MRTFA: variants seen among roughly 807,000 people sequenced by gnomAD.
The protein encoded by MRTFA is myocardin-related transcription factor A.
In MRTFA, 20 loss-of-function variants were observed where a neutral mutation model predicts 83.5. The ratio of observed to expected loss-of-function variants is 0.24; its 90% CI spans 0.17 to 0.35. The LOEUF (loss-of-function observed/expected upper bound fraction) is 0.35. Ranked by LOEUF, MRTFA falls within the 10% of genes least tolerant of loss-of-function variation. The pLI is 1.00. For synonymous variants in MRTFA, 659 were observed against 541.2 expected (o/e 1.22, Z -3.02); for missense variants, 1,200 against 1,224.7 (o/e 0.98, Z 0.30).
At position 40,597,512 on chromosome 22, in the gene MRTFA, G is replaced by A. The variant is rs372231623; in HGVS notation, c.-83-2777C>T. On this transcript the variant is annotated intron_variant, in intron 1 of 14. Transcript: ENST00000355630. ...AAACGGTGCCACAGCTTTGTATGTAGAGTAGCTAAAGGTATTTACATTGGC... is the reference window on the plus strand; with the variant it reads ...AAACGGTGCCACAGCTTTGTATGTAAAGTAGCTAAAGGTATTTACATTGGC... Among the ~76,000 whole-genome samples the A allele has an allele frequency of 7.2e-4, 110 of 152,324 alleles. 3 individuals carry two copies. In the South Asian group the frequency reaches 0.011, roughly 15 times the overall value.
intron 2 of MRTFA, chr22:40,586,933 C>T: frequency 2.2e-6 from 1 of 444,484 alleles, no homozygotes; most frequent in Non-Finnish European, 4.6e-6. Flanking sequence ...GGTGCTGCTG[C>T]TGCTGCTGCC....
chr22:40,423,643 G>C lies in MRTFA; in HGVS notation c.820C>G (p.Leu274Val). Residue 274 changes from leucine (L) to valine (V), a missense_variant, in exon 9 of 15, where the codon CTT becomes GTT. This residue lies in a region of MRTFA where 1,107 missense variants were observed against 1,041.8 expected (regional missense o/e 1.06). Coordinates refer to ENST00000355630, the MANE Select transcript of MRTFA (RefSeq NM_020831.6). ...AGAGGAGGCTGCTCTGCCAGGAAAA[G>C]CATTTCTCTGGAATCCCGGCCCATC... is the stretch of plus-strand genomic sequence containing the variant. 1 of 1,589,892 alleles carries C rather than the reference G, an allele frequency of 6.3e-7. No homozygotes were observed. Among genetic ancestry groups the C allele is most frequent in the East Asian group, 2.3e-5 (1 of 43,370 alleles).
At chr22:40,499,913 CCTTTT>C (rs1254049053) in intron 3 of MRTFA, among the ~76,000 whole-genome samples, 1 of 127,532 alleles carries the variant, frequency 7.8e-6, no homozygotes, top group Non-Finnish European at 1.6e-5. Flanking sequence ...TTCAAGTAGA[CCTTTT>C]TTTTTTTTTT....
chr22:40,611,970 T>A (rs980218914), intron 1 of MRTFA, among the ~76,000 whole-genome samples: 1 of 152,210 alleles, frequency 6.6e-6, no homozygotes, highest in Non-Finnish European at 1.5e-5. Flanking sequence ...TCTAAAAAGT[T>A]ATGTACAGAG....
chr22:40,467,581 C>T (rs1049998860), intron 3 of MRTFA, among the ~76,000 whole-genome samples: 9 of 151,844 alleles, frequency 5.9e-5, no homozygotes, highest in African/African-American at 2.2e-4. Context: ...TGTTCACTGC[C>T]AAAGTTACCA....
intron 4 of MRTFA, among the ~76,000 whole-genome samples, chr22:40,446,097 AC>A (rs1349249118): frequency 6.6e-6 from 1 of 152,192 alleles, no homozygotes; most frequent in Non-Finnish European, 1.5e-5. Context: ...AGGCTGTATA[AC>A]CAGTGATGGT....
intron 9 of MRTFA, among the ~76,000 whole-genome samples, chr22:40,423,123 G>A (rs1242633670): frequency 6.6e-6 from 1 of 152,222 alleles, no homozygotes; most frequent in Non-Finnish European, 1.5e-5. Flanking sequence ...CCTCCTGCAG[G>A]CATTTCAGGC....
intron 2 of MRTFA, among the ~76,000 whole-genome samples, chr22:40,592,195 G>A (rs967525365): frequency 1.3e-5 from 2 of 151,342 alleles, no homozygotes; most frequent in African/African-American, 4.9e-5. Context: ...TTGGGAGGCC[G>A]GGGTAGGAGA....
chr22:40,456,780 T>C (rs1027620460), intron 4 of MRTFA, among the ~76,000 whole-genome samples: 3 of 152,196 alleles, frequency 2.0e-5, no homozygotes, highest in African/African-American at 7.2e-5. Context: ...GCTCAGCCTA[T>C]CATAAAATAA....
At chr22:40,603,850 T>C (rs918194710) in intron 1 of MRTFA, among the ~76,000 whole-genome samples, 17 of 151,800 alleles carry the variant, frequency 1.1e-4, no homozygotes, top group Admixed American at 7.2e-4. Flanking sequence ...TGGGCTCAAG[T>C]GATCCTCCCA....
At position 40,558,403 on chromosome 22, in the gene MRTFA, C is replaced by T. The variant is rs907789840; in HGVS notation, c.-21-6036G>A. ...ATTACAGGAATGAGCCACTGTGCCT[C>T]GCCAAAACCATATATTCTTTAAAAT... On this transcript the variant is annotated intron_variant, in intron 2 of 14. Coordinates refer to ENST00000355630, the MANE Select transcript of MRTFA (RefSeq NM_020831.6). Among the ~76,000 whole-genome samples, 5 of 151,380 alleles carry T rather than the reference C, an allele frequency of 3.3e-5. No individual in the cohort carries two copies. In the South Asian group the frequency reaches 8.4e-4, roughly 25 times the overall value.
intron 4 of MRTFA, among the ~76,000 whole-genome samples, chr22:40,450,610 C>T (rs1255712022): frequency 1.6e-5 from 2 of 127,872 alleles, no homozygotes; most frequent in East Asian, 4.6e-4. Flanking sequence ...CGCCTGCCAC[C>T]ACAGCTGGCT....
intron 1 of MRTFA, among the ~76,000 whole-genome samples, chr22:40,596,377 C>T (rs1431176083): frequency 6.6e-6 from 1 of 152,148 alleles, no homozygotes; most frequent in African/African-American, 2.4e-5. Flanking sequence ...AAGCAGTCCA[C>T]CTCAACAGAT....
At chr22:40,609,265 T>C (rs1328363962) in intron 1 of MRTFA, among the ~76,000 whole-genome samples, 2 of 146,754 alleles carry the variant, frequency 1.4e-5, no homozygotes, top group Non-Finnish European at 3.0e-5. Context: ...CACTCCAGCC[T>C]GGGTGACAGA....
intron 1 of MRTFA, among the ~76,000 whole-genome samples, chr22:40,605,735 C>T (rs2056312539): frequency 6.6e-6 from 1 of 152,130 alleles, no homozygotes; most frequent in Admixed American, 6.6e-5. Flanking sequence ...CATTACCAAC[C>T]TAAAATCTTT....
intron 2 of MRTFA, among the ~76,000 whole-genome samples, chr22:40,580,462 G>A (rs963528071): frequency 3.9e-5 from 6 of 152,214 alleles, no homozygotes; most frequent in Non-Finnish European, 7.3e-5. Flanking sequence ...ATCTCTCAAA[G>A]TGTTGGGATT....
chr22:40,532,600 C>A (rs1462878910), intron 3 of MRTFA, among the ~76,000 whole-genome samples: 1 of 152,214 alleles, frequency 6.6e-6, no homozygotes, highest in African/African-American at 2.4e-5. Context: ...TGGTATCTGT[C>A]TTCTTTGCCC....
intron 3 of MRTFA, among the ~76,000 whole-genome samples, chr22:40,542,264 C>T (rs765491296): frequency 7.2e-5 from 11 of 152,176 alleles, no homozygotes; most frequent in Admixed American, 1.3e-4. Flanking sequence ...CAAACCACTA[C>T]TTATGCTTTG....
At chr22:40,610,042 T>C (rs2056368234) in intron 1 of MRTFA, among the ~76,000 whole-genome samples, 1 of 146,826 alleles carries the variant, frequency 6.8e-6, no homozygotes, top group South Asian at 2.1e-4. Flanking sequence ...CTTTTTTTTC[T>C]CTTTTTTTTT....
Sources: allele counts gnomAD v4.1 joint callset (sites outside exome capture counted in the v4.1 genomes callset), GRCh38; gene constraint gnomAD v4.1.1; regional missense constraint gnomAD v4.1.1; transcripts MANE v1.5; gene names NCBI Gene and HGNC (gene_info 2026-07-23, HGNC 2026-07-21).